NUBP1: variants seen among roughly 807,000 people sequenced by gnomAD.
NUBP1 encodes NUBP iron-sulfur cluster assembly factor 1, cytosolic.
Under a neutral mutation model 41.8 loss-of-function variants are expected in NUBP1, and 46 were observed. The ratio of observed to expected loss-of-function variants is 1.10; its 90% CI spans 0.87 to 1.41. The LOEUF is 1.41. NUBP1 is among the 40% of genes most tolerant of loss of function. NUBP1 has a pLI of 0.00. For synonymous variants in NUBP1, 189 were observed against 154.6 expected (o/e 1.22, Z -1.65); for missense variants, 494 against 414.0 (o/e 1.19, Z -1.68).
rs2031334064 is a variant in NUBP1 at position 10,769,173 on chromosome 16, ACC to A, written c.*70_*71del. On this transcript the variant is annotated 3_prime_UTR_variant, in exon 11 of 11. Transcript: ENST00000283027. ...CTCACTGGGCAGCACATCCAGCCAG[ACC>A]CGACCAGCTCCGGGATGGGGTGGGT... is the stretch of plus-strand genomic sequence containing the variant. 14 of 1,468,702 alleles carry A rather than the reference ACC, an allele frequency of 9.5e-6. No individual in the cohort carries two copies. The South Asian group carries it at 1.5e-4, about 16-fold the overall frequency. The allele number at this position is 1,468,702 out of a possible 1,614,324, so 91.0% of individuals were successfully genotyped here.
rs377524198 is a variant in NUBP1, at chr16:10,743,989, G to A, written c.48G>A (p.Ala16=). 1.1e-5 allele frequency: 17 copies of A among 1,581,112 alleles called. No homozygotes were observed. The highest frequency in any genetic ancestry group is 4.0e-5 in the Admixed American group (2 of 50,530). ...GTCCAGGGGCCGACAGCGCCCAGGCGGGCAGAGGGGCTTCATGTCAGGGAT... is the reference window on the plus strand; with the variant it reads ...GTCCAGGGGCCGACAGCGCCCAGGCAGGCAGAGGGGCTTCATGTCAGGGAT... ...HDCPGADSAQ[A]GRGASCQGCP... The change falls in exon 2 of 11, where the codon GCG becomes GCA. Residue 16 remains alanine (A), a synonymous_variant. Coordinates refer to ENST00000283027, the MANE Select transcript of NUBP1 (RefSeq NM_002484.4).
At chr16:10,755,679 C>A in intron 4 of NUBP1, 42 bp from the exon 5 acceptor site, 1 of 1,602,670 alleles carries the variant, frequency 6.2e-7, no homozygotes, top group Non-Finnish European at 8.5e-7. Flanking sequence ...GACCAGGGTA[C>A]ATGATTTCTA....
chr16:10,753,218 T>C (rs1900403560), intron 4 of NUBP1, among the ~76,000 whole-genome samples: 1 of 152,130 alleles, frequency 6.6e-6, no homozygotes. Context: ...GTCTACACCA[T>C]TGGAGAAGCA....
rs1900824534 is a variant in NUBP1 at position 10,759,870 on chromosome 16, G to A, written c.607-1494G>A. 6.6e-6 allele frequency among the ~76,000 whole-genome samples: 1 copy of A among 152,362 alleles called. No individual in the cohort carries two copies. Among genetic ancestry groups the A allele is most frequent in the Admixed American group, 6.5e-5 (1 of 15,310 alleles). The stretch of plus-strand genomic sequence containing the variant: ...CCGCATCCCAGCCTCAGTGTCAAGA[G>A]CCAAACAGGCATCTCAGGAAAAGAA... On this transcript the variant is annotated intron_variant, in intron 7 of 10. Transcript: ENST00000283027. This position sits in a 1 kb window ranked among gnomAD's most constrained non-coding sequence, Gnocchi z 4.7.
intron 8 of NUBP1, 64 bp from the exon 9 acceptor site, chr16:10,761,693 T>C: frequency 7.8e-7 from 1 of 1,275,100 alleles, no homozygotes; most frequent in Non-Finnish European, 1.1e-6. Context: ...TTCTTTAAAA[T>C]GTGGTCCATC....
chr16:10,764,980 G>C (rs2030650173), intron 9 of NUBP1: 1 of 168,864 alleles, frequency 5.9e-6, no homozygotes. Context: ...GGGCATTCCT[G>C]AGCCCACTTA....
chr16:10,769,012 C>T, intron 10 of NUBP1, 35 bp from the exon 11 acceptor site: 2 of 1,603,824 alleles, frequency 1.2e-6, no homozygotes, highest in Non-Finnish European at 1.7e-6. Context: ...GTAGACAAGC[C>T]ATTAGCACTC....
In NUBP1 at chr16:10,757,768, AC is replaced by A; in HGVS notation, c.452-103del. 1 of 1,430,846 alleles carries A rather than the reference AC, an allele frequency of 7.0e-7. No homozygotes were observed. The highest frequency in any genetic ancestry group is 1.4e-5 in the African/African-American group (1 of 70,262). 88.6% of individuals were successfully genotyped at this position (1,430,846 alleles called of 1,614,324 possible). A position where few individuals can be genotyped will look rare whatever the true frequency, so the allele number is the denominator to read the frequency against. On this transcript the variant is annotated intron_variant, in intron 6 of 10. Transcript: ENST00000283027. The surrounding 1 kb of genome is among the most constrained non-coding windows in gnomAD (Gnocchi z 4.1). ...GCTTGAGCCTCAGAGTTAAGAGCCA[AC>A]CTGGGCAACATAGCAAGACCCCATC...
intron 4 of NUBP1, among the ~76,000 whole-genome samples, chr16:10,755,386 G>A (rs1900502911): frequency 1.3e-5 from 2 of 152,160 alleles, no homozygotes; most frequent in Non-Finnish European, 2.9e-5. Flanking sequence ...ACAGGTATCT[G>A]CATTTTCTCA....
chr16:10,751,863 CGT>C (rs886267582), intron 3 of NUBP1, among the ~76,000 whole-genome samples: 11 of 152,200 alleles, frequency 7.2e-5, no homozygotes, highest in Non-Finnish European at 1.3e-4. Context: ...ACAGCAGGCC[CGT>C]GGTGTACTGG....
chr16:10,747,791 G>T (rs1176616036), intron 3 of NUBP1, among the ~76,000 whole-genome samples: 1 of 152,134 alleles, frequency 6.6e-6, no homozygotes, highest in Non-Finnish European at 1.5e-5. Context: ...CCTTGCATGT[G>T]GATAGTTTAT....
intron 8 of NUBP1, 129 bp downstream of exon 8, chr16:10,761,603 C>A: frequency 1.0e-6 from 1 of 987,288 alleles, no homozygotes; most frequent in Non-Finnish European, 1.5e-6. Context: ...CAATTAAAAT[C>A]CCTTTCTGCT....
intron 4 of NUBP1, among the ~76,000 whole-genome samples, chr16:10,754,594 G>A (rs1310194386): frequency 6.6e-6 from 1 of 152,154 alleles, no homozygotes; most frequent in Non-Finnish European, 1.5e-5. Context: ...CGCATGTTGT[G>A]TGATTCCACT....
Position 10,761,346 on chromosome 16 carries a change from G to A in NUBP1, c.607-18G>A, listed in dbSNP as rs1378166415. On this transcript the variant is annotated intron_variant, in intron 7 of 10. Coordinates refer to ENST00000283027, the MANE Select transcript of NUBP1 (RefSeq NM_002484.4). Reference sequence around the variant, plus strand: ...TCGCACTTTGATGCTGGAATCACTGGTCTTTTCACCTTCGTAGGAGGTGTC... The same window carrying A: ...TCGCACTTTGATGCTGGAATCACTGATCTTTTCACCTTCGTAGGAGGTGTC... 2 of 1,611,110 alleles carry A rather than the reference G, an allele frequency of 1.2e-6. No homozygotes were observed. The highest frequency in any genetic ancestry group is 8.5e-7 in the Non-Finnish European group (1 of 1,177,578).
chr16:10,752,681 A>G lies in NUBP1; in HGVS notation c.327+3A>G. 6.2e-7 allele frequency: 1 copy of G among 1,613,034 alleles called. No individual in the cohort carries two copies. Among genetic ancestry groups the G allele is most frequent in the Non-Finnish European group, 8.5e-7 (1 of 1,179,072 alleles). On this transcript the variant is annotated splice_donor_region_variant and intron_variant, in intron 4 of 10. Coordinates refer to ENST00000283027, the MANE Select transcript of NUBP1 (RefSeq NM_002484.4). ...TAATGGGATTGGAAGGAGAGCAGGTAATAGCCGGTTACAGAACTCAGGAAA... is the reference window on the plus strand; with the variant it reads ...TAATGGGATTGGAAGGAGAGCAGGTGATAGCCGGTTACAGAACTCAGGAAA...
rs769371362 is a variant in NUBP1 at position 10,743,857 on chromosome 16, C to A, written c.-7C>A. 9.0e-6 allele frequency: 14 copies of A among 1,562,372 alleles called. No homozygotes were observed. Among genetic ancestry groups the A allele is most frequent in the South Asian group, 2.4e-5 (2 of 84,786 alleles). Reference sequence around the variant, plus strand: ...CCGGTGACCACGAAGGCGGCAAAGGCGACGGAATGGAGGAGGTGCCTCACG... The same window carrying A: ...CCGGTGACCACGAAGGCGGCAAAGGAGACGGAATGGAGGAGGTGCCTCACG... On this transcript the variant is annotated 5_prime_UTR_variant, in exon 1 of 11. Transcript: ENST00000283027.
intron 3 of NUBP1, 98 bp from the exon 4 acceptor site, chr16:10,752,512 C>G: frequency 1.1e-6 from 1 of 908,264 alleles, no homozygotes; most frequent in South Asian, 1.4e-5. Context: ...TGTCTTCTCC[C>G]CTGTCCTTTT....
chr16:10,762,009 C>A (rs1466938550), intron 9 of NUBP1, 150 bp downstream of exon 9: 2 of 605,840 alleles, frequency 3.3e-6, no homozygotes, highest in East Asian at 5.7e-5. Flanking sequence ...CAGCTGGCAC[C>A]CCAAGAGGCC....
intron 3 of NUBP1, among the ~76,000 whole-genome samples, chr16:10,751,308 G>A (rs909299828): frequency 1.3e-5 from 2 of 152,146 alleles, no homozygotes; most frequent in Non-Finnish European, 2.9e-5. Flanking sequence ...ATTTCCCCGT[G>A]GATCATTGAC....
Sources: gnomAD v4.1 joint callset for allele counts (sites outside exome capture counted in the v4.1 genomes callset) on GRCh38, gnomAD v4.1.1 for gene constraint, Gnocchi (gnomAD v3.1) non-coding constraint, MANE v1.5 for transcripts, NCBI Gene and HGNC (gene_info 2026-07-23, HGNC 2026-07-21) for gene names.